CRY1: variants seen among roughly 807,000 people sequenced by gnomAD.
CRY1 encodes cryptochrome-1.
In CRY1, 45 loss-of-function variants were observed where a neutral mutation model predicts 76.0. The ratio of observed to expected loss-of-function variants is 0.59; its 90% CI spans 0.47 to 0.76. CRY1 has a LOEUF of 0.76. Ranked by LOEUF, CRY1 falls within the 30% of genes least tolerant of loss-of-function variation. The probability of loss-of-function intolerance (pLI) is 0.00; values close to 1 mark genes in which losing one functional copy is unlikely to be tolerated. For missense variants in CRY1, 587 were observed against 716.4 expected, an observed-to-expected ratio of 0.82 and a Z score of 2.06; for synonymous variants, 248 against 244.0, an observed-to-expected ratio of 1.02 and a Z score of -0.15.
chr12:106,993,137 C>T, intron 10 of CRY1, 101 bp from the exon 11 acceptor site: 1 of 1,038,298 alleles, frequency 9.6e-7, no homozygotes, highest in Middle Eastern at 2.3e-4. Context: ...TACTTAAGGT[C>T]ATTTATATGC....
chr12:107,014,591 TA>T (rs1349819199), intron 2 of CRY1, among the ~76,000 whole-genome samples: 9 of 39,578 alleles, frequency 2.3e-4, no homozygotes, highest in African/African-American at 4.4e-4. Flanking sequence ...TTCTTTCTAC[TA>T]ACTATTAGTT....
chr12:107,011,258 G>T (rs1266094516), intron 2 of CRY1, among the ~76,000 whole-genome samples: 3 of 152,126 alleles, frequency 2.0e-5, no homozygotes, highest in African/African-American at 7.2e-5. Context: ...GCTGAGGCAG[G>T]AGAATCGTTT....
At chr12:107,041,271 TTGTTA>T (rs1952796243) in intron 1 of CRY1, among the ~76,000 whole-genome samples, 1 of 152,204 alleles carries the variant, frequency 6.6e-6, no homozygotes, top group Non-Finnish European at 1.5e-5. Flanking sequence ...CACAAATTTA[TTGTTA>T]TATTAATGAA....
rs982330207 is a variant in CRY1, at chr12:107,052,468, T to A, written c.159-30276A>T. On this transcript the variant is annotated intron_variant, in intron 1 of 12. Coordinates refer to ENST00000008527, the MANE Select transcript of CRY1 (RefSeq NM_004075.5). The stretch of plus-strand genomic sequence containing the variant: ...CAAACTTCCTACAATTTGAAGCTAA[T>A]ATTCTAGAAGGAGAGGGAGTAAAGA... Among the ~76,000 whole-genome samples the A allele has an allele frequency of 1.2e-4, 19 of 152,156 alleles. 1 individual carries two copies. Among genetic ancestry groups the A allele is most frequent in the Admixed American group, 7.2e-4 (11 of 15,274 alleles).
At chr12:107,037,863 C>A (rs779373548) in intron 1 of CRY1, among the ~76,000 whole-genome samples, 25 of 152,086 alleles carry the variant, frequency 1.6e-4, no homozygotes, top group Non-Finnish European at 3.1e-4. Context: ...CACATACCAG[C>A]ACACCTGGCT....
At chr12:107,052,549 ATAAAGT>A (rs1237441411) in intron 1 of CRY1, among the ~76,000 whole-genome samples, 2 of 152,230 alleles carry the variant, frequency 1.3e-5, no homozygotes, top group African/African-American at 4.8e-5. Flanking sequence ...ACTGAATAAC[ATAAAGT>A]TAAAGGGGAA....
At chr12:107,047,783 C>T (rs771940254) in intron 1 of CRY1, among the ~76,000 whole-genome samples, 20 of 152,140 alleles carry the variant, frequency 1.3e-4, no homozygotes, top group African/African-American at 3.6e-4. Context: ...TAAGAACAGA[C>T]TAATACAAAC....
intron 1 of CRY1, among the ~76,000 whole-genome samples, chr12:107,091,333 C>T (rs1318903660): frequency 6.6e-6 from 1 of 152,120 alleles, no homozygotes; most frequent in African/African-American, 2.4e-5. Context: ...CAGCCTAACT[C>T]CTTTTCTTTC....
intron 1 of CRY1, among the ~76,000 whole-genome samples, chr12:107,040,740 A>G (rs922209249): frequency 6.6e-6 from 1 of 152,188 alleles, no homozygotes. Context: ...GTAGATAGGA[A>G]CAATCAAACC....
chr12:107,066,960 C>A (rs1490292143), intron 1 of CRY1, among the ~76,000 whole-genome samples: 1 of 151,894 alleles, frequency 6.6e-6, no homozygotes, highest in Non-Finnish European at 1.5e-5. Flanking sequence ...TCACCACACC[C>A]AGCTAATTTT....
chr12:107,068,388 C>T (rs762550896), intron 1 of CRY1, among the ~76,000 whole-genome samples: 1 of 152,152 alleles, frequency 6.6e-6, no homozygotes, highest in African/African-American at 2.4e-5. Flanking sequence ...ACCTCCGCCT[C>T]CTTGGTTTAA....
At chr12:106,998,452 A>C (rs1171369458) in intron 7 of CRY1, among the ~76,000 whole-genome samples, 1 of 152,176 alleles carries the variant, frequency 6.6e-6, no homozygotes, top group Non-Finnish European at 1.5e-5. Flanking sequence ...ACCAACAAAA[A>C]CTTAGCTTCA....
intron 1 of CRY1, among the ~76,000 whole-genome samples, chr12:107,090,235 C>T (rs1953454582): frequency 6.6e-6 from 1 of 152,116 alleles, no homozygotes; most frequent in East Asian, 1.9e-4. Context: ...GGATTACAGG[C>T]ATGTGCCATA....
chr12:107,069,589 A>ATATATATAT (rs1555202229), intron 1 of CRY1, among the ~76,000 whole-genome samples: 2 of 40,850 alleles, frequency 4.9e-5, no homozygotes, highest in African/African-American at 9.3e-5. Context: ...TATATAAAGT[A>ATATATATAT]TATATATATA....
At chr12:107,063,302 G>A (rs1038006412) in intron 1 of CRY1, among the ~76,000 whole-genome samples, 5 of 152,140 alleles carry the variant, frequency 3.3e-5, no homozygotes, top group African/African-American at 1.2e-4. Context: ...GAGAGGATAC[G>A]CTATTAATTA....
At chr12:107,033,006 C>A (rs1012506083) in intron 1 of CRY1, among the ~76,000 whole-genome samples, 5 of 151,202 alleles carry the variant, frequency 3.3e-5, no homozygotes, top group African/African-American at 1.2e-4. Context: ...AAATGTCCGA[C>A]AAGAATAATT....
At chr12:107,059,042 T>G (rs772752890) in intron 1 of CRY1, among the ~76,000 whole-genome samples, 1 of 152,254 alleles carries the variant, frequency 6.6e-6, no homozygotes, top group Non-Finnish European at 1.5e-5. Flanking sequence ...ATTCAAACTT[T>G]CTGGCAGTCC....
At chr12:107,036,641 C>T (rs368584406) in intron 1 of CRY1, among the ~76,000 whole-genome samples, 65 of 151,810 alleles carry the variant, frequency 4.3e-4, no homozygotes, top group African/African-American at 1.4e-3. Flanking sequence ...AGAACGAACC[C>T]GGGCAACCAA....
At chr12:107,074,969 C>G (rs1450752754) in intron 1 of CRY1, among the ~76,000 whole-genome samples, 1 of 151,868 alleles carries the variant, frequency 6.6e-6, no homozygotes, top group Non-Finnish European at 1.5e-5. Flanking sequence ...GAGCCAAGAT[C>G]GTGCCACTGC....
Sources: gnomAD v4.1 joint callset for allele counts (sites outside exome capture counted in the v4.1 genomes callset) on GRCh38, gnomAD v4.1.1 for gene constraint, MANE v1.5 for transcripts, NCBI Gene and HGNC (gene_info 2026-07-23, HGNC 2026-07-21) for gene names.